The following NSD2 variants were observed in gnomAD, a reference collection of about 807,000 sequenced individuals.
The protein encoded by NSD2 is nuclear receptor binding SET domain protein 2, also known as histone-lysine N-methyltransferase NSD2.
NSD2 carries 12 observed loss-of-function variants against 139.0 expected under a neutral mutation model. The observed-to-expected ratio is 0.09, with a 90% CI of 0.06 to 0.14. The LOEUF (loss-of-function observed/expected upper bound fraction) is 0.14. Ranked by LOEUF, NSD2 falls within the 10% of genes least tolerant of loss-of-function variation. The probability of loss-of-function intolerance (pLI) is 1.00; values close to 1 mark genes in which losing one functional copy is unlikely to be tolerated. For missense variants in NSD2, 1,155 were observed against 1,745.0 expected (o/e 0.66, Z 6.02); for synonymous variants, 669 against 648.7 (o/e 1.03, Z -0.48).
Position 1,975,276 on chromosome 4 carries a change from T to C in NSD2, c.3515-18T>C. On this transcript the variant is annotated intron_variant, in intron 19 of 21. Transcript: ENST00000508803. ...AGGCAGGTGTTTCCAATTTGGTGTC[T>C]GTCTCCTCTTCTCCCAGGGACGGAG... 1.9e-6 allele frequency: 3 copies of C among 1,612,882 alleles called. No individual in the cohort carries two copies. Among genetic ancestry groups the C allele is most frequent in the Non-Finnish European group, 2.5e-6 (3 of 1,178,844 alleles).
Position 1,978,780 on chromosome 4 carries a change from C to T in NSD2, c.3969C>T (p.Cys1323=). Residue 1323 remains cysteine (C), a synonymous_variant, in exon 22 of 22, where the codon TGC becomes TGT. Transcript: ENST00000508803. ...GCACCCCGGACGGGCGGTCCTACTG[C>T]TGTGAGCATGACTTAGGGGCGGCAT... ...FSCTPDGRSY[C]CEHDLGAASV... 1.2e-6 allele frequency: 2 copies of T among 1,613,980 alleles called. No homozygotes were observed. The highest frequency in any genetic ancestry group is 1.1e-5 in the South Asian group (1 of 91,048).
Position 1,874,563 on chromosome 4 carries a change from T to C in NSD2, c.-30+3021T>C, listed in dbSNP as rs577499498. Among the ~76,000 whole-genome samples the C allele has an allele frequency of 6.6e-4, 101 of 152,310 alleles. No homozygotes were observed. In the Middle Eastern group the frequency reaches 0.01, roughly 15 times the overall value. On this transcript the variant is annotated intron_variant, in intron 1 of 21. Transcript: ENST00000508803. ...AACAAACAGCCCATTTTAATGCCGATATCTGGCCTGTTTGCCTCTCTGTTT... is the reference window on the plus strand; with the variant it reads ...AACAAACAGCCCATTTTAATGCCGACATCTGGCCTGTTTGCCTCTCTGTTT...
chr4:1,909,638 CT>C lies in NSD2; in HGVS notation c.760+5271del, dbSNP rs751737438. On this transcript the variant is annotated intron_variant, in intron 3 of 21. Transcript: ENST00000508803. ...TATTTTTCTATCCTCTATTCCTATC[CT>C]TTTTTTTTTTCTTTTCCTGGAGATG... Among the ~76,000 whole-genome samples the C allele has an allele frequency of 5.9e-4, 86 of 146,880 alleles. 1 individual carries two copies. Among genetic ancestry groups the C allele is most frequent in the East Asian group, 4.2e-3 (21 of 5,046 alleles).
At chr4:1,953,815 G>A (rs1389337276) in intron 12 of NSD2, among the ~76,000 whole-genome samples, 2 of 150,726 alleles carry the variant, frequency 1.3e-5, no homozygotes, top group Non-Finnish European at 3.0e-5. Context: ...TCTTTATAGA[G>A]ATAGAGTCTT....
Position 1,966,872 on chromosome 4 carries a change from G to A in NSD2, c.3372+5721G>A, listed in dbSNP as rs116331242. Among the ~76,000 whole-genome samples the A allele has an allele frequency of 2.5e-3, 374 of 152,206 alleles. 3 individuals carry two copies. The highest frequency in any genetic ancestry group is 8.7e-3 in the African/African-American group (360 of 41,504). ...GATATGAGCAACTGAAAAGGATGGG[G>A]ACAGAGCTGTAAAGGGGCAGGGTTT... On this transcript the variant is annotated intron_variant, in intron 18 of 21. Coordinates refer to ENST00000508803, the MANE Select transcript of NSD2 (RefSeq NM_001042424.3).
At chr4:1,932,124 C>A (rs1213854314) in intron 6 of NSD2, among the ~76,000 whole-genome samples, 1 of 150,960 alleles carries the variant, frequency 6.6e-6, no homozygotes, top group African/African-American at 2.4e-5. Flanking sequence ...GTCACGCGCC[C>A]ATGACCTCAG....
chr4:1,980,679 C>G lies in NSD2; in HGVS notation c.*1770C>G, dbSNP rs1184793946. ...AAGTTTCACTGGCTGGTGGCTGTCC[C>G]TTCTCCCATCAGGGTCCCCAGCAAA... On this transcript the variant is annotated 3_prime_UTR_variant, in exon 22 of 22. Coordinates refer to ENST00000508803, the MANE Select transcript of NSD2 (RefSeq NM_001042424.3). 1 of 233,128 alleles carries G rather than the reference C, an allele frequency of 4.3e-6. No individual in the cohort carries two copies. Among genetic ancestry groups the G allele is most frequent in the Non-Finnish European group, 8.5e-6 (1 of 118,044 alleles). 14.4% of individuals were successfully genotyped at this position (233,128 alleles called of 1,614,324 possible).
intron 9 of NSD2, chr4:1,941,810 A>G (rs1723128453): frequency 1.9e-6 from 2 of 1,051,960 alleles, no homozygotes; most frequent in Non-Finnish European, 2.3e-6. Flanking sequence ...AGGTGAACAA[A>G]TAAACTTGTC....
chr4:1,954,231 C>T (rs145231871), intron 12 of NSD2, among the ~76,000 whole-genome samples: 54 of 152,090 alleles, frequency 3.6e-4, no homozygotes, highest in African/African-American at 1.1e-3. Context: ...GTGATCCACC[C>T]GCCTCAGCCT....
chr4:1,900,832 G>A lies in NSD2; in HGVS notation c.178G>A (p.Gly60Arg), dbSNP rs1366552622. Residue 60 changes from glycine to arginine, a missense_variant, in exon 2 of 22, where the codon GGG becomes AGG. Physicochemically the swap from Gly to Arg is moderately radical, Grantham distance 125. This residue lies in a region of NSD2 where 246 missense variants were observed against 262.8 expected (regional missense o/e 0.94). Transcript: ENST00000508803. ...CCAGCTCTCCAGTAGCCTGCAGGAG[G>A]GGGTCATGCAGAAGTTTAACGGCCA... ...KAQLSSSLQE[G>R]VMQKFNGHDA... is the part of the protein sequence containing the mutation. 1.2e-5 allele frequency: 19 copies of A among 1,613,804 alleles called. No individual in the cohort carries two copies. The highest frequency in any genetic ancestry group is 1.5e-5 in the Non-Finnish European group (18 of 1,179,942).
At chr4:1,929,263 T>C (rs1721338715) in intron 5 of NSD2, among the ~76,000 whole-genome samples, 1 of 151,964 alleles carries the variant, frequency 6.6e-6, no homozygotes, top group East Asian at 1.9e-4. Context: ...CTGTGGTGAC[T>C]GTCTTGGGAG....
intron 20 of NSD2, 177 bp downstream of exon 20, chr4:1,975,577 A>C: frequency 1.7e-6 from 1 of 597,822 alleles, no homozygotes; most frequent in Non-Finnish European, 3.0e-6. Context: ...CCAGTGGTTA[A>C]GAGTTCCTCA....
At chr4:1,967,938 T>C (rs988754120) in intron 18 of NSD2, among the ~76,000 whole-genome samples, 1 of 152,232 alleles carries the variant, frequency 6.6e-6, no homozygotes, top group Non-Finnish European at 1.5e-5. Flanking sequence ...GTGGTCAGTC[T>C]GGTGTCTTAT....
chr4:1,884,472 C>T (rs938916498), intron 1 of NSD2, among the ~76,000 whole-genome samples: 7 of 152,108 alleles, frequency 4.6e-5, no homozygotes, highest in Non-Finnish European at 1.0e-4. Flanking sequence ...TGGCTCACTG[C>T]AACCTCCAGC....
chr4:1,976,079 T>C lies in NSD2; in HGVS notation c.3622-396T>C, dbSNP rs1019883876. On this transcript the variant is annotated intron_variant, in intron 20 of 21. Coordinates refer to ENST00000508803, the MANE Select transcript of NSD2 (RefSeq NM_001042424.3). The surrounding 1 kb of genome is among the most constrained non-coding windows in gnomAD (Gnocchi z 5.3). ...AGGATGGTCACTGCCCTCAGGTCACTGCCGCCCACCTGTGCCCACGTTCCT... is the reference window on the plus strand; with the variant it reads ...AGGATGGTCACTGCCCTCAGGTCACCGCCGCCCACCTGTGCCCACGTTCCT... 6.6e-6 allele frequency among the ~76,000 whole-genome samples: 1 copy of C among 152,144 alleles called. No homozygotes were observed. The highest frequency in any genetic ancestry group is 2.4e-5 in the African/African-American group (1 of 41,438).
intron 1 of NSD2, among the ~76,000 whole-genome samples, chr4:1,893,064 T>G (rs1715734371): frequency 6.6e-6 from 1 of 152,206 alleles, no homozygotes; most frequent in Non-Finnish European, 1.5e-5. Context: ...CCAGTACCAA[T>G]CTGATTCCTC....
intron 6 of NSD2, among the ~76,000 whole-genome samples, chr4:1,933,260 C>T (rs1351085070): frequency 2.0e-5 from 3 of 152,244 alleles, no homozygotes; most frequent in Non-Finnish European, 2.9e-5. Flanking sequence ...CGGACACTTA[C>T]TTGTACCTCT....
chr4:1,972,640 C>T lies in NSD2; in HGVS notation c.3373-2223C>T, dbSNP rs779128866. Among the ~76,000 whole-genome samples, 3 of 152,180 alleles carry T rather than the reference C, an allele frequency of 2.0e-5. No homozygotes were observed. Among genetic ancestry groups the T allele is most frequent in the Non-Finnish European group, 2.9e-5 (2 of 68,038 alleles). On this transcript the variant is annotated intron_variant, in intron 18 of 21. Transcript: ENST00000508803. The surrounding 1 kb of genome is among the most constrained non-coding windows in gnomAD (Gnocchi z 4.0). ...CCTCCCCTCACACCACTTATAAAGGCCAATTCCAGATGGATTGAACAGCTA... is the reference window on the plus strand; with the variant it reads ...CCTCCCCTCACACCACTTATAAAGGTCAATTCCAGATGGATTGAACAGCTA...
In NSD2 at chr4:1,976,405, G is replaced by A. The variant is rs975117823; in HGVS notation, c.3622-70G>A. On this transcript the variant is annotated intron_variant, in intron 20 of 21. Coordinates refer to ENST00000508803, the MANE Select transcript of NSD2 (RefSeq NM_001042424.3). The surrounding 1 kb of genome is among the most constrained non-coding windows in gnomAD (Gnocchi z 5.3). ...CTCTGAAGTTCCTGGAGTGTAGCTC[G>A]CTCTTCTGCCCTATTTGCTTCAGCC... The A allele has an allele frequency of 5.9e-6, 9 of 1,525,118 alleles. No individual in the cohort carries two copies. The highest frequency in any genetic ancestry group is 2.3e-5 in the East Asian group (1 of 42,738). The allele number at this position is 1,525,118 out of a possible 1,614,324, so 94.5% of individuals were successfully genotyped here.
Sources: gnomAD v4.1 joint callset for allele counts (sites outside exome capture counted in the v4.1 genomes callset) on GRCh38, gnomAD v4.1.1 for gene constraint, gnomAD v4.1.1 regional missense constraint, Gnocchi (gnomAD v3.1) non-coding constraint, MANE v1.5 for transcripts, NCBI Gene and HGNC (gene_info 2026-07-23, HGNC 2026-07-21) for gene names.